Variants in RAPGEF5 observed in about 807,000 individuals in gnomAD.
RAPGEF5 encodes the protein Rap guanine nucleotide exchange factor 5.
RAPGEF5 carries 65 observed loss-of-function variants against 125.2 expected under a neutral mutation model. The ratio of observed to expected loss-of-function variants is 0.52; its 90% CI spans 0.43 to 0.64. The LOEUF (loss-of-function observed/expected upper bound fraction) is 0.64. Ranked by LOEUF, RAPGEF5 falls within the 30% of genes least tolerant of loss-of-function variation. The probability of loss-of-function intolerance (pLI) is 0.00; values close to 1 mark genes in which losing one functional copy is unlikely to be tolerated. For missense variants in RAPGEF5, 958 were observed against 1,048.1 expected, an observed-to-expected ratio of 0.91 and a Z score of 1.19; for synonymous variants, 391 against 385.9, an observed-to-expected ratio of 1.01 and a Z score of -0.16.
chr7:22,316,460 C>CATATATAT (rs757768702), intron 2 of RAPGEF5, among the ~76,000 whole-genome samples: 1 of 92,740 alleles, frequency 1.1e-5, no homozygotes, highest in African/African-American at 4.6e-5. Context: ...TATACATAGA[C>CATATATAT]ATATATATAT....
rs1210538383 is a variant in RAPGEF5 at position 22,162,522 on chromosome 7, G to A, written c.1303C>T (p.Gln435Ter). The A allele has an allele frequency of 6.2e-7, 1 of 1,609,660 alleles. No individual in the cohort carries two copies. The highest frequency in any genetic ancestry group is 8.5e-7 in the Non-Finnish European group (1 of 1,176,376). Residue 435 changes from glutamine to a stop codon, truncating the protein, a stop_gained, in exon 13 of 26, where the codon CAA becomes TAA. Coordinates refer to ENST00000665637, the MANE Select transcript of RAPGEF5 (RefSeq NM_012294.5). LOFTEE classifies it high-confidence loss of function. ...LLRHYSAKKY[Q>*]GKEENSDVPR... ...ACGTCTGAGTTTTCCTCTTTGCCTT[G>A]ATACTTCTTAGCAGAATAGGTGCAA...
At chr7:22,143,428 CA>C (rs1783329158) in intron 20 of RAPGEF5, among the ~76,000 whole-genome samples, 1 of 152,086 alleles carries the variant, frequency 6.6e-6, no homozygotes, top group African/African-American at 2.4e-5. Context: ...CAAAAACTTT[CA>C]AAAAATCCCT....
chr7:22,173,421 C>T (rs1784411029), intron 11 of RAPGEF5, among the ~76,000 whole-genome samples: 1 of 152,162 alleles, frequency 6.6e-6, no homozygotes, highest in African/African-American at 2.4e-5. Context: ...TTTAGCCATT[C>T]TAACATAACC....
In RAPGEF5 at chr7:22,144,558, T is replaced by G. The variant is rs139570564; in HGVS notation, c.2186+486A>C. 4.8e-3 allele frequency among the ~76,000 whole-genome samples: 731 copies of G among 152,264 alleles called. 6 individuals carry two copies. Among genetic ancestry groups the G allele is most frequent in the African/African-American group, 0.017 (703 of 41,550 alleles). ...ACAGACATTTAGAGTGGCTAGAGCA[T>G]GGGGTGCACCCAGGGATGAGGCTCA... On this transcript the variant is annotated intron_variant, in intron 20 of 25. Coordinates refer to ENST00000665637, the MANE Select transcript of RAPGEF5 (RefSeq NM_012294.5).
intron 20 of RAPGEF5, 32 bp from the exon 21 acceptor site, chr7:22,140,147 G>T: frequency 1.3e-6 from 2 of 1,512,304 alleles, no homozygotes; most frequent in Non-Finnish European, 1.8e-6. Flanking sequence ...AGGACACTTT[G>T]AGGAAACATT....
At chr7:22,354,442 A>C (rs1336331855) in intron 1 of RAPGEF5, among the ~76,000 whole-genome samples, 1 of 152,178 alleles carries the variant, frequency 6.6e-6, no homozygotes, top group Non-Finnish European at 1.5e-5. Context: ...TGCCCAATCC[A>C]AGGTGGTTAA....
intron 1 of RAPGEF5, among the ~76,000 whole-genome samples, chr7:22,329,327 C>T (rs182343770): frequency 2.0e-5 from 3 of 152,076 alleles, no homozygotes; most frequent in Non-Finnish European, 4.4e-5. Context: ...GATGAAAGAT[C>T]TAAAGTTAAT....
rs143259698 is a variant in RAPGEF5 at position 22,180,827 on chromosome 7, T to C, written c.1204+12540A>G. ...ATCTCACTACTGTGGATTTCTAGAATGTGCTGACGAAGACACAGTGCCTTG... is the reference window on the plus strand; with the variant it reads ...ATCTCACTACTGTGGATTTCTAGAACGTGCTGACGAAGACACAGTGCCTTG... On this transcript the variant is annotated intron_variant, in intron 11 of 25. Coordinates refer to ENST00000665637, the MANE Select transcript of RAPGEF5 (RefSeq NM_012294.5). Among the ~76,000 whole-genome samples the C allele has an allele frequency of 9.2e-5, 14 of 152,322 alleles. No individual in the cohort carries two copies. The East Asian group carries it at 2.7e-3, about 29-fold the overall frequency.
chr7:22,342,218 T>C (rs1784143712), intron 1 of RAPGEF5, among the ~76,000 whole-genome samples: 1 of 152,228 alleles, frequency 6.6e-6, no homozygotes, highest in Non-Finnish European at 1.5e-5. Flanking sequence ...GCCTGAGCTC[T>C]ATGTTGGCCC....
chr7:22,167,188 G>T (rs777752905), intron 11 of RAPGEF5, 40 bp from the exon 12 acceptor site: 1 of 1,518,322 alleles, frequency 6.6e-7, no homozygotes, highest in South Asian at 1.2e-5. Context: ...TAAGCAAAGA[G>T]GTGGATAAGA....
chr7:22,349,503 ATAATT>A (rs1300314679), intron 1 of RAPGEF5, among the ~76,000 whole-genome samples: 1 of 152,164 alleles, frequency 6.6e-6, no homozygotes, highest in Non-Finnish European at 1.5e-5. Flanking sequence ...CTTCAAGAGA[ATAATT>A]TAAATGTTCC....
intron 9 of RAPGEF5, among the ~76,000 whole-genome samples, chr7:22,214,683 C>T (rs923803591): frequency 3.3e-5 from 5 of 151,858 alleles, no homozygotes; most frequent in South Asian, 2.1e-4. Flanking sequence ...TCTGCATTCC[C>T]GCCCCCCAAC....
In RAPGEF5 at chr7:22,145,082, T is replaced by A. The variant is rs1783390422; in HGVS notation, c.2148A>T (p.Arg716=). ...TGATGAATTTTTTCACCAGCTGCAC[T>A]CGCTTGCCCAGCTGGCTGCAGAGCA... is the stretch of plus-strand genomic sequence containing the variant. ...EILLCSQLGK[R]VQLVKKFIKI... The change falls in exon 20 of 26, where the codon CGA becomes CGT. Residue 716 remains arginine, a synonymous_variant. Transcript: ENST00000665637. 1 of 1,613,656 alleles carries A rather than the reference T, an allele frequency of 6.2e-7. No homozygotes were observed. Among genetic ancestry groups the A allele is most frequent in the Non-Finnish European group, 8.5e-7 (1 of 1,179,766 alleles).
intron 6 of RAPGEF5, among the ~76,000 whole-genome samples, chr7:22,283,738 G>T (rs769823688): frequency 6.6e-6 from 1 of 152,122 alleles, no homozygotes; most frequent in Non-Finnish European, 1.5e-5. Context: ...ATATCAAAGT[G>T]ATTTTCATCT....
chr7:22,246,926 C>G (rs1052730654), intron 7 of RAPGEF5, among the ~76,000 whole-genome samples: 2 of 152,100 alleles, frequency 1.3e-5, no homozygotes, highest in Non-Finnish European at 2.9e-5. Flanking sequence ...AATACGTGAA[C>G]AGACACTTTT....
At chr7:22,356,045 G>A in intron 1 of RAPGEF5, 1 of 985,434 alleles carries the variant, frequency 1.0e-6, no homozygotes, top group Non-Finnish European at 1.2e-6. Context: ...CTGAGGCCCT[G>A]GCGGGGCCTC....
At chr7:22,215,523 T>A (rs1045235261) in intron 9 of RAPGEF5, among the ~76,000 whole-genome samples, 3 of 152,256 alleles carry the variant, frequency 2.0e-5, no homozygotes, top group Admixed American at 6.5e-5. Flanking sequence ...CTATACTTCT[T>A]GAGGGCAGGA....
At chr7:22,212,807 A>G (rs1785541906) in intron 9 of RAPGEF5, among the ~76,000 whole-genome samples, 1 of 152,220 alleles carries the variant, frequency 6.6e-6, no homozygotes, top group Non-Finnish European at 1.5e-5. Flanking sequence ...AGAAAAGAAT[A>G]TAAGGTCACC....
chr7:22,294,503 C>T (rs576763464), intron 5 of RAPGEF5, among the ~76,000 whole-genome samples: 2 of 152,232 alleles, frequency 1.3e-5, no homozygotes, highest in African/African-American at 4.8e-5. Context: ...TATGGTCCTC[C>T]ACCCTCATCC....
Sources: gnomAD v4.1 joint callset for allele counts (sites outside exome capture counted in the v4.1 genomes callset) on GRCh38, gnomAD v4.1.1 for gene constraint, MANE v1.5 for transcripts, NCBI Gene and HGNC (gene_info 2026-07-23, HGNC 2026-07-21) for gene names.